The following PRKAG1 variants were observed in gnomAD, a reference collection of about 807,000 sequenced individuals.
PRKAG1 encodes the protein protein kinase AMP-activated non-catalytic subunit gamma 1.
Under a neutral mutation model 48.2 loss-of-function variants are expected in PRKAG1, and 27 were observed. That is an observed-to-expected ratio of 0.56 (90% CI 0.41 to 0.77). The LOEUF (loss-of-function observed/expected upper bound fraction) is 0.77, where lower values mean the gene tolerates loss of function less well. Among genes scored for constraint, PRKAG1 ranks in the 30% least tolerant of loss-of-function variants. PRKAG1 has a pLI of 0.00. For missense variants in PRKAG1, 287 were observed against 398.3 expected (o/e 0.72, Z 2.38); for synonymous variants, 130 against 147.7 (o/e 0.88, Z 0.87).
rs531420255 is a variant in PRKAG1 at position 49,015,658 on chromosome 12, C to T, written c.10-2548G>A. Among the ~76,000 whole-genome samples, 153 of 151,970 alleles carry T rather than the reference C, an allele frequency of 1.0e-3. 4 individuals carry two copies. The highest frequency in any genetic ancestry group is 2.1e-4 in the South Asian group (1 of 4,808). On this transcript the variant is annotated intron_variant, in intron 1 of 11. Coordinates refer to ENST00000548065, the MANE Select transcript of PRKAG1 (RefSeq NM_002733.5). The stretch of plus-strand genomic sequence containing the variant: ...TGCGATCTTGGCTCACTGTAATCTC[C>T]GCCTCCGGGGTTCAAGCGATTCTCC...
chr12:49,016,136 G>A (rs968905776), intron 1 of PRKAG1, among the ~76,000 whole-genome samples: 1 of 151,838 alleles, frequency 6.6e-6, no homozygotes, highest in Non-Finnish European at 1.5e-5. Context: ...ATGGGGTCTC[G>A]CTATGTTGAC....
intron 1 of PRKAG1, among the ~76,000 whole-genome samples, chr12:49,013,583 A>G (rs540614659): frequency 2.0e-5 from 3 of 152,102 alleles, no homozygotes; most frequent in Non-Finnish European, 4.4e-5. Flanking sequence ...TTTAATCTTC[A>G]TAACAACCCT....
intron 2 of PRKAG1, among the ~76,000 whole-genome samples, chr12:49,011,823 A>G (rs1592281829): frequency 6.6e-6 from 1 of 151,496 alleles, no homozygotes; most frequent in Non-Finnish European, 1.5e-5. Context: ...TGGCCTCCCA[A>G]TGTGGTGGGA....
In PRKAG1 at chr12:49,005,604, G is replaced by A. The variant is rs764139416; in HGVS notation, c.169-61C>T. 2.2e-5 allele frequency: 35 copies of A among 1,613,618 alleles called. No individual in the cohort carries two copies. The highest frequency in any genetic ancestry group is 3.0e-5 in the Non-Finnish European group (35 of 1,179,870). On this transcript the variant is annotated intron_variant, in intron 3 of 11. Transcript: ENST00000548065. The surrounding 1 kb of genome is among the most constrained non-coding windows in gnomAD (Gnocchi z 4.1). ...CCACAGGGGCAGGACTGTAAAAAAA[G>A]AACAGTGTTTGGGCATGTTGGGTAA... is the stretch of plus-strand genomic sequence containing the variant.
intron 1 of PRKAG1, chr12:49,018,411 TA>T: frequency 8.1e-7 from 1 of 1,237,962 alleles, no homozygotes; most frequent in Non-Finnish European, 1.0e-6. Flanking sequence ...CTCAAACCTC[TA>T]AAAGGGCTTG....
intron 1 of PRKAG1, among the ~76,000 whole-genome samples, chr12:49,014,420 C>A (rs1941885378): frequency 6.6e-6 from 1 of 152,216 alleles, no homozygotes; most frequent in Non-Finnish European, 1.5e-5. Context: ...GGGCTAACCC[C>A]TACAAGATTC....
chr12:49,006,484 A>G (rs762105112), intron 2 of PRKAG1, among the ~76,000 whole-genome samples: 2 of 152,214 alleles, frequency 1.3e-5, no homozygotes, highest in Non-Finnish European at 2.9e-5. Flanking sequence ...CTGGCTCAAA[A>G]CACCCTGATA....
intron 2 of PRKAG1, 82 bp downstream of exon 2, chr12:49,012,980 G>T: frequency 7.3e-7 from 1 of 1,377,832 alleles, no homozygotes; most frequent in Non-Finnish European, 1.0e-6. Flanking sequence ...TTCCAGGGGA[G>T]AGATTCAAAA....
At chr12:49,018,504 G>A in intron 1 of PRKAG1, 1 of 1,401,528 alleles carries the variant, frequency 7.1e-7, no homozygotes, top group Non-Finnish European at 9.3e-7. Context: ...CTGCCTGCTT[G>A]GGCTAAGGGT....
At chr12:49,018,629 T>A in intron 1 of PRKAG1, 103 bp downstream of exon 1, 1 of 1,592,400 alleles carries the variant, frequency 6.3e-7, no homozygotes, top group Non-Finnish European at 8.6e-7. Context: ...TTTTGTTTGC[T>A]AGACACCAGC....
intron 7 of PRKAG1, 107 bp from the exon 8 acceptor site, chr12:49,004,740 G>C (rs755926118): frequency 2.6e-6 from 4 of 1,526,724 alleles, no homozygotes; most frequent in East Asian, 2.3e-5. Context: ...GTTAGGGAAG[G>C]GGGGCAGTGT....
chr12:49,015,978 C>T (rs1941954807), intron 1 of PRKAG1, among the ~76,000 whole-genome samples: 1 of 150,834 alleles, frequency 6.6e-6, no homozygotes, highest in Non-Finnish European at 1.5e-5. Flanking sequence ...CAGGGTGTCA[C>T]TCTGTCATTC....
At chr12:49,013,233 C>A in intron 1 of PRKAG1, 123 bp from the exon 2 acceptor site, 1 of 816,268 alleles carries the variant, frequency 1.2e-6, no homozygotes, top group Non-Finnish European at 2.0e-6. Flanking sequence ...GCCACTGCCC[C>A]CGCCAAACCC....
At chr12:49,013,442 G>A (rs1412706768) in intron 1 of PRKAG1, among the ~76,000 whole-genome samples, 1 of 151,932 alleles carries the variant, frequency 6.6e-6, no homozygotes, top group Non-Finnish European at 1.5e-5. Context: ...ATGGAGTTTT[G>A]CCATGTTGCC....
At chr12:49,010,695 A>C (rs1367202714) in intron 2 of PRKAG1, among the ~76,000 whole-genome samples, 1 of 152,116 alleles carries the variant, frequency 6.6e-6, no homozygotes, top group Non-Finnish European at 1.5e-5. Flanking sequence ...TAAGTCATTC[A>C]TCACTCTTTT....
At position 49,003,204 on chromosome 12, in the gene PRKAG1, A is replaced by G. The variant is rs1941364360; in HGVS notation, c.828T>C (p.Val276=). 6.2e-7 allele frequency: 1 copy of G among 1,614,026 alleles called. No individual in the cohort carries two copies. Among genetic ancestry groups the G allele is most frequent in the South Asian group, 1.1e-5 (1 of 91,072 alleles). Residue 276 remains valine, a synonymous_variant, in exon 11 of 12, where the codon GTT becomes GTC. Transcript: ENST00000548065. ...LQHRSHYFEG[V]LKCYLHETLE... ...GAGTCTCATGCAGGTAGCACTTGAG[A>G]ACACCCTCAAAGTAATGTGATCGAT...
chr12:49,018,704 C>A lies in PRKAG1; in HGVS notation c.9+28G>T, dbSNP rs775855681. The A allele has an allele frequency of 1.9e-6, 3 of 1,613,356 alleles. No homozygotes were observed. In the African/African-American group the frequency reaches 4.0e-5, roughly 22 times the overall value. ...GGGGGGTGTCTTAGGCTCCACAGCGCCCCCGACCGCCCTCCTGCACTCCTC... is the reference window on the plus strand; with the variant it reads ...GGGGGGTGTCTTAGGCTCCACAGCGACCCCGACCGCCCTCCTGCACTCCTC... On this transcript the variant is annotated intron_variant, in intron 1 of 11. Coordinates refer to ENST00000548065, the MANE Select transcript of PRKAG1 (RefSeq NM_002733.5).
chr12:49,012,582 C>A (rs1344813727), intron 2 of PRKAG1: 2 of 154,090 alleles, frequency 1.3e-5, no homozygotes, highest in South Asian at 2.0e-4. Flanking sequence ...CCAGGTTGGT[C>A]AGGCTGGTCT....
At chr12:49,008,784 G>A (rs961940907) in intron 2 of PRKAG1, among the ~76,000 whole-genome samples, 2 of 152,152 alleles carry the variant, frequency 1.3e-5, no homozygotes, top group Admixed American at 1.3e-4. Context: ...TGGTGTTGTT[G>A]AGAGTCCAAG....
Sources: gnomAD v4.1 joint callset for allele counts (sites outside exome capture counted in the v4.1 genomes callset) on GRCh38, gnomAD v4.1.1 for gene constraint, Gnocchi (gnomAD v3.1) non-coding constraint, MANE v1.5 for transcripts, NCBI Gene and HGNC (gene_info 2026-07-23, HGNC 2026-07-21) for gene names.